The following SLC4A7 variants were observed in gnomAD, a reference collection of about 807,000 sequenced individuals.
SLC4A7 encodes solute carrier family 4 member 7, also known as sodium bicarbonate cotransporter 3.
In SLC4A7, 51 loss-of-function variants were observed where a neutral mutation model predicts 137.6. The ratio of observed to expected loss-of-function variants is 0.37; its 90% CI spans 0.30 to 0.47. The LOEUF (loss-of-function observed/expected upper bound fraction) is 0.47, where lower values mean the gene tolerates loss of function less well. SLC4A7 is among the 20% of genes least tolerant of loss of function. The pLI is 1.00. For missense variants in SLC4A7, 1,247 were observed against 1,525.4 expected (o/e 0.82, Z 3.04); for synonymous variants, 542 against 518.6 (o/e 1.05, Z -0.61).
intron 3 of SLC4A7, among the ~76,000 whole-genome samples, chr3:27,448,147 C>G (rs149123853): frequency 6.8e-6 from 1 of 146,158 alleles, no homozygotes; most frequent in African/African-American, 2.5e-5. Flanking sequence ...TGGAGGCAGA[C>G]GTTGCAGTGA....
chr3:27,406,288 G>C (rs1014999210), intron 13 of SLC4A7, among the ~76,000 whole-genome samples: 4 of 152,186 alleles, frequency 2.6e-5, no homozygotes, highest in African/African-American at 9.7e-5. Context: ...AGCAAGCATG[G>C]TGTCTGGCAC....
At chr3:27,465,869 G>T (rs879577888) in intron 1 of SLC4A7, among the ~76,000 whole-genome samples, 3 of 150,852 alleles carry the variant, frequency 2.0e-5, no homozygotes, top group Admixed American at 6.6e-5. Flanking sequence ...CAGGAGAATG[G>T]CATGAACCCG....
chr3:27,473,841 G>A (rs1320529810), intron 1 of SLC4A7, among the ~76,000 whole-genome samples: 6 of 150,552 alleles, frequency 4.0e-5, no homozygotes, highest in African/African-American at 1.5e-4. Context: ...AAATCACAAA[G>A]AGCGTATGTG....
At chr3:27,441,536 G>A (rs1428001333) in intron 3 of SLC4A7, among the ~76,000 whole-genome samples, 1 of 152,098 alleles carries the variant, frequency 6.6e-6, no homozygotes, top group Non-Finnish European at 1.5e-5. Context: ...CTGTTGCCCA[G>A]GCTGGAAGTG....
At chr3:27,389,156 GC>G (rs2051276916) in intron 22 of SLC4A7, among the ~76,000 whole-genome samples, 1 of 152,022 alleles carries the variant, frequency 6.6e-6, no homozygotes, top group African/African-American at 2.4e-5. Context: ...GCAATGAAGT[GC>G]ATACACCTTC....
chr3:27,378,299 G>A (rs1388675287), intron 25 of SLC4A7, among the ~76,000 whole-genome samples: 1 of 152,158 alleles, frequency 6.6e-6, no homozygotes, highest in Non-Finnish European at 1.5e-5. Context: ...AGCTAAGACA[G>A]CAAGTGAACA....
chr3:27,465,549 A>G (rs2058941431), intron 1 of SLC4A7, among the ~76,000 whole-genome samples: 1 of 151,450 alleles, frequency 6.6e-6, no homozygotes, highest in Non-Finnish European at 1.5e-5. Flanking sequence ...AAATTAACTG[A>G]TTTTTTGAAA....
intron 22 of SLC4A7, among the ~76,000 whole-genome samples, chr3:27,386,938 T>C (rs2150053475): frequency 6.6e-6 from 1 of 152,314 alleles, no homozygotes; most frequent in South Asian, 2.1e-4. Flanking sequence ...AATCGTCCAA[T>C]ACTAAATTCT....
intron 5 of SLC4A7, 54 bp downstream of exon 5, chr3:27,436,334 T>A: frequency 7.6e-7 from 1 of 1,312,402 alleles, no homozygotes; most frequent in Non-Finnish European, 1.1e-6. Context: ...GTTAAATGAA[T>A]GTCTAAAATT....
chr3:27,393,554 T>C (rs1295679912), intron 20 of SLC4A7, among the ~76,000 whole-genome samples: 1 of 152,154 alleles, frequency 6.6e-6, no homozygotes, highest in Non-Finnish European at 1.5e-5. Context: ...AGGTAGCAGA[T>C]ATTAGAAAGA....
At position 27,373,070 on chromosome 3, in the gene SLC4A7, GA is replaced by G. The variant is rs11401312; in HGVS notation, c.*3693del. On this transcript the variant is annotated 3_prime_UTR_variant, in exon 26 of 26. Transcript: ENST00000454389. Reference sequence around the variant, plus strand: ...GGAAGACAATCTCCCCCATGGGGAAGAAAAAAAAAAAAAACCTTGAATAATA... The same window carrying G: ...GGAAGACAATCTCCCCCATGGGGAAGAAAAAAAAAAAAACCTTGAATAATA... 523 of 138,706 alleles carry G rather than the reference GA, an allele frequency of 3.8e-3. 4 individuals are homozygous for G. The highest frequency in any genetic ancestry group is 0.013 in the African/African-American group (485 of 37,744). 8.6% of individuals were successfully genotyped at this position (138,706 alleles called of 1,614,324 possible).
chr3:27,441,964 C>T (rs950062439), intron 3 of SLC4A7, among the ~76,000 whole-genome samples: 4 of 151,464 alleles, frequency 2.6e-5, no homozygotes, highest in Admixed American at 1.3e-4. Context: ...GACACGATCT[C>T]GGCTCACTGC....
At chr3:27,472,000 T>C (rs2059266856) in intron 1 of SLC4A7, among the ~76,000 whole-genome samples, 1 of 152,190 alleles carries the variant, frequency 6.6e-6, no homozygotes, top group South Asian at 2.1e-4. Context: ...CAATCAGCTA[T>C]TTATTCTAGA....
chr3:27,399,921 T>C (rs1156450228), intron 16 of SLC4A7, among the ~76,000 whole-genome samples: 1 of 152,212 alleles, frequency 6.6e-6, no homozygotes, highest in Non-Finnish European at 1.5e-5. Flanking sequence ...ACGTGGCTAA[T>C]GGCTACTGTA....
intron 1 of SLC4A7, among the ~76,000 whole-genome samples, chr3:27,470,081 C>A (rs1021246040): frequency 6.6e-6 from 1 of 152,118 alleles, no homozygotes; most frequent in African/African-American, 2.4e-5. Context: ...CTTATAAAAT[C>A]TAGTAATTGG....
At chr3:27,433,640 G>A (rs1382654364) in intron 6 of SLC4A7, among the ~76,000 whole-genome samples, 1 of 151,878 alleles carries the variant, frequency 6.6e-6, no homozygotes, top group African/African-American at 2.4e-5. Flanking sequence ...AATCAAGTAT[G>A]TTCAGGAGAA....
rs749990523 is a variant in SLC4A7 at position 27,431,406 on chromosome 3, C to T, written c.1042G>A (p.Ala348Thr). ...RQAPELLVSP[A>T]SDDIPTVVIH... ...ACTACTGTGGGAATATCATCACTGG[C>T]AGGTGAAACCAGTAGTTCTGGGGCC... Residue 348 changes from alanine (A) to threonine (T), a missense_variant, in exon 7 of 26, where the codon GCC becomes ACC. By Grantham distance (58) the Ala-to-Thr change is moderately conservative (BLOSUM62 0). This residue lies in a region of SLC4A7 where 223 missense variants were observed against 203.6 expected (regional missense o/e 1.10). Coordinates refer to ENST00000454389, the MANE Select transcript of SLC4A7 (RefSeq NM_001321103.2). 1.9e-6 allele frequency: 3 copies of T among 1,613,996 alleles called. No individual in the cohort carries two copies. The highest frequency in any genetic ancestry group is 1.1e-5 in the South Asian group (1 of 91,052).
intron 22 of SLC4A7, among the ~76,000 whole-genome samples, chr3:27,388,893 CTGGCCCTTTACAG>C (rs2051246451): frequency 8.5e-6 from 1 of 117,654 alleles, no homozygotes; most frequent in Non-Finnish European, 2.2e-5. Flanking sequence ...TGTTTACTAT[CTGGCCCTTTACAG>C]AAAAAGTTTA....
intron 8 of SLC4A7, chr3:27,422,694 A>G: frequency 2.3e-6 from 1 of 428,162 alleles, no homozygotes; most frequent in South Asian, 1.6e-5. Flanking sequence ...ATACCAAATT[A>G]TGTGAACTTC....
Sources: allele counts gnomAD v4.1 joint callset (sites outside exome capture counted in the v4.1 genomes callset), GRCh38; gene constraint gnomAD v4.1.1; regional missense constraint gnomAD v4.1.1; transcripts MANE v1.5; gene names NCBI Gene and HGNC (gene_info 2026-07-23, HGNC 2026-07-21).